Variants in KIF13B observed in about 807,000 individuals in gnomAD.
KIF13B encodes kinesin-like protein KIF13B.
KIF13B carries 127 observed loss-of-function variants against 222.0 expected under a neutral mutation model. That is an observed-to-expected ratio of 0.57 (90% CI 0.50 to 0.66). The LOEUF is 0.66. Among genes scored for constraint, KIF13B ranks in the 30% least tolerant of loss-of-function variants. KIF13B has a pLI of 0.00. For synonymous variants in KIF13B, 976 were observed against 919.0 expected, an observed-to-expected ratio of 1.06 and a Z score of -1.12; for missense variants, 2,173 against 2,379.0, an observed-to-expected ratio of 0.91 and a Z score of 1.80.
At chr8:29,104,641 T>C (rs992503829) in intron 35 of KIF13B, among the ~76,000 whole-genome samples, 2 of 152,206 alleles carry the variant, frequency 1.3e-5, no homozygotes, top group South Asian at 4.1e-4. Flanking sequence ...CCTTCCATGG[T>C]GTCCAACTCC....
intron 6 of KIF13B, among the ~76,000 whole-genome samples, chr8:29,185,189 A>C (rs918055818): frequency 7.2e-5 from 11 of 152,032 alleles, no homozygotes; most frequent in Non-Finnish European, 1.5e-4. Context: ...AAGGTGTGGG[A>C]GAGGTTGTTC....
intron 7 of KIF13B, among the ~76,000 whole-genome samples, chr8:29,180,879 C>T (rs1036938626): frequency 1.3e-5 from 2 of 151,702 alleles, no homozygotes; most frequent in African/African-American, 2.4e-5. Context: ...GCATTAATAA[C>T]AATGCAGAGC....
At chr8:29,177,046 G>C (rs956786800) in intron 9 of KIF13B, among the ~76,000 whole-genome samples, 1 of 152,182 alleles carries the variant, frequency 6.6e-6, no homozygotes, top group Non-Finnish European at 1.5e-5. Context: ...CTATAGCTTA[G>C]ACCAGTGGTT....
chr8:29,185,373 C>T (rs761879290), intron 6 of KIF13B, among the ~76,000 whole-genome samples: 4 of 152,180 alleles, frequency 2.6e-5, no homozygotes, highest in Non-Finnish European at 5.9e-5. Context: ...AAGCAGATAG[C>T]GTTGTATTTT....
intron 6 of KIF13B, among the ~76,000 whole-genome samples, chr8:29,185,553 A>G (rs1274776305): frequency 6.6e-6 from 1 of 152,242 alleles, no homozygotes; most frequent in Non-Finnish European, 1.5e-5. Context: ...TTGGTCAAGG[A>G]AAACTGACAA....
chr8:29,172,230 G>A (rs1339628732), intron 10 of KIF13B, among the ~76,000 whole-genome samples: 5 of 151,516 alleles, frequency 3.3e-5, no homozygotes, highest in Non-Finnish European at 5.9e-5. Context: ...ACAGGCGCCC[G>A]CCACCACGCC....
chr8:29,128,723 G>A (rs1037708314), intron 24 of KIF13B, among the ~76,000 whole-genome samples: 1 of 152,180 alleles, frequency 6.6e-6, no homozygotes, highest in African/African-American at 2.4e-5. Flanking sequence ...ATGGTTTACT[G>A]TTCCACAGAA....
intron 36 of KIF13B, among the ~76,000 whole-genome samples, chr8:29,094,144 C>G (rs1171967259): frequency 1.3e-5 from 2 of 152,160 alleles, no homozygotes; most frequent in African/African-American, 2.4e-5. Flanking sequence ...ACCTCCCGAC[C>G]ACACATCCAC....
At chr8:29,118,686 G>T (rs924443041) in intron 30 of KIF13B, among the ~76,000 whole-genome samples, 182 bp downstream of exon 30, 3 of 152,196 alleles carry the variant, frequency 2.0e-5, no homozygotes, top group Admixed American at 6.5e-5. Flanking sequence ...GGAAGGAAAA[G>T]GTGAATGGAT....
Position 29,140,158 on chromosome 8 carries a change from G to C in KIF13B, c.2518C>G (p.Leu840Val), listed in dbSNP as rs1810748710. 6.2e-6 allele frequency: 10 copies of C among 1,613,606 alleles called. No homozygotes were observed. Among genetic ancestry groups the C allele is most frequent in the African/African-American group, 1.3e-5 (1 of 74,906 alleles). ...ATCCTCTCCCCAACATCACCACTGA[G>C]TCGCATCACCTCCACGTGCAGCCGA... ...AGRLHVEVMR[L>V]SGDVGERIAG... The change falls in exon 21 of 40, where the codon CTC becomes GTC. Residue 840 changes from leucine to valine, a missense_variant. By Grantham distance (32) the Leu-to-Val change is conservative. Coordinates refer to ENST00000524189, the MANE Select transcript of KIF13B (RefSeq NM_015254.4).
intron 1 of KIF13B, among the ~76,000 whole-genome samples, chr8:29,262,687 A>C (rs1012547018): frequency 2.0e-5 from 3 of 148,210 alleles, no homozygotes; most frequent in African/African-American, 5.0e-5. Context: ...TCCGGGGGAG[A>C]CGAGAGGGCA....
chr8:29,086,568 G>A (rs1427584382), intron 37 of KIF13B, among the ~76,000 whole-genome samples: 1 of 152,184 alleles, frequency 6.6e-6, no homozygotes, highest in African/African-American at 2.4e-5. Flanking sequence ...CATGACAGGT[G>A]GGAAATGGGA....
intron 29 of KIF13B, among the ~76,000 whole-genome samples, chr8:29,120,176 T>G (rs1206822553): frequency 4.0e-5 from 6 of 149,304 alleles, no homozygotes; most frequent in Admixed American, 1.3e-4. Flanking sequence ...GTTTTTTTTT[T>G]TTTTTTTTTT....
chr8:29,105,477 C>T (rs1809010750), intron 35 of KIF13B, among the ~76,000 whole-genome samples: 1 of 152,124 alleles, frequency 6.6e-6, no homozygotes, highest in Admixed American at 6.5e-5. Flanking sequence ...TGTGTGAAGC[C>T]AGTGGGGGGT....
rs116009474 is a variant in KIF13B at position 29,080,075 on chromosome 8, C to G, written c.4459-4732G>C. ...AAATCAGACACATTGTGCAGTGGCT[C>G]TCGCACCTGCAATCCCACCACTTTG... On this transcript the variant is annotated intron_variant, in intron 37 of 39. Transcript: ENST00000524189. 4.7e-3 allele frequency among the ~76,000 whole-genome samples: 720 copies of G among 152,204 alleles called. 3 individuals carry two copies. The highest frequency in any genetic ancestry group is 0.016 in the African/African-American group (672 of 41,514).
At chr8:29,198,425 G>A (rs569172665) in intron 2 of KIF13B, among the ~76,000 whole-genome samples, 77 of 152,170 alleles carry the variant, frequency 5.1e-4, no homozygotes, top group African/African-American at 1.8e-3. Flanking sequence ...GGGTTCAAGC[G>A]ATTCTCCAGG....
intron 12 of KIF13B, among the ~76,000 whole-genome samples, chr8:29,163,855 C>T (rs189633539): frequency 1.9e-3 from 296 of 152,314 alleles, no homozygotes; most frequent in Non-Finnish European, 3.2e-3. Flanking sequence ...TGACTCATGA[C>T]AACAAATGTT....
chr8:29,139,112 G>A (rs1810694932), intron 21 of KIF13B, among the ~76,000 whole-genome samples: 2 of 152,104 alleles, frequency 1.3e-5, no homozygotes, highest in African/African-American at 2.4e-5. Flanking sequence ...ATTGTGGAGC[G>A]AAGGTGAATG....
At chr8:29,141,250 C>G (rs1323264744) in intron 19 of KIF13B, among the ~76,000 whole-genome samples, 1 of 151,882 alleles carries the variant, frequency 6.6e-6, no homozygotes, top group Non-Finnish European at 1.5e-5. Flanking sequence ...AGGAAAATCA[C>G]TTGAACCCAG....
Sources: allele counts gnomAD v4.1 joint callset (sites outside exome capture counted in the v4.1 genomes callset), GRCh38; gene constraint gnomAD v4.1.1; transcripts MANE v1.5; gene names NCBI Gene and HGNC (gene_info 2026-07-23, HGNC 2026-07-21).